Variants in NXPE4 observed in about 807,000 individuals in gnomAD.
NXPE4 encodes the protein NXPE family member 4.
In NXPE4, 42 loss-of-function variants were observed where a neutral mutation model predicts 33.3. The ratio of observed to expected loss-of-function variants is 1.26; its 90% confidence interval spans 0.98 to 1.63. The LOEUF (loss-of-function observed/expected upper bound fraction) is 1.63. NXPE4 is among the 40% of genes most tolerant of loss of function. NXPE4 has a pLI of 0.00. For missense variants in NXPE4, 709 were observed against 647.6 expected, an observed-to-expected ratio of 1.09 and a Z score of -1.03; for synonymous variants, 253 against 234.9, an observed-to-expected ratio of 1.08 and a Z score of -0.71.
the NXPE4 span, among the ~76,000 whole-genome samples, chr11:114,631,777 C>A: frequency 6.6e-6 from 1 of 151,662 alleles, no homozygotes; most frequent in East Asian, 1.9e-4. Flanking sequence ...AGTATTGCCT[C>A]ATGAGTAATC....
chr11:114,617,815 T>A, the NXPE4 span, among the ~76,000 whole-genome samples: 1 of 152,146 alleles, frequency 6.6e-6, no homozygotes, highest in Non-Finnish European at 1.5e-5. Context: ...GGATAATAAG[T>A]GTTGCCTCAT....
At chr11:114,639,528 G>T in the NXPE4 span, among the ~76,000 whole-genome samples, 1 of 151,230 alleles carries the variant, frequency 6.6e-6, no homozygotes, top group Non-Finnish European at 1.5e-5. Flanking sequence ...GGTACCTCAG[G>T]TGGAAATGCA....
the NXPE4 span, among the ~76,000 whole-genome samples, chr11:114,645,039 T>G: frequency 1.3e-5 from 2 of 151,968 alleles, no homozygotes; most frequent in African/African-American, 2.4e-5. Flanking sequence ...TAGTGTTTTA[T>G]GCCTGTAATC....
chr11:114,582,103 G>A (rs1482548498), intron 3 of NXPE4, among the ~76,000 whole-genome samples, 185 bp downstream of exon 3: 1 of 152,096 alleles, frequency 6.6e-6, no homozygotes, highest in Non-Finnish European at 1.5e-5. Flanking sequence ...AGAATTAAAT[G>A]TTCAAAAAGT....
At chr11:114,669,895 C>T in the NXPE4 span, among the ~76,000 whole-genome samples, 1 of 152,026 alleles carries the variant, frequency 6.6e-6, no homozygotes. Context: ...CTACTGCTTG[C>T]AGTCATCCTG....
At chr11:114,675,945 C>T in the NXPE4 span, among the ~76,000 whole-genome samples, 2 of 151,856 alleles carry the variant, frequency 1.3e-5, no homozygotes, top group Non-Finnish European at 2.9e-5. Context: ...AATAAATCCA[C>T]ATGTTTACAG....
the NXPE4 span, among the ~76,000 whole-genome samples, chr11:114,624,026 T>C: frequency 7.2e-5 from 11 of 152,010 alleles, no homozygotes; most frequent in African/African-American, 2.7e-4. Context: ...TGTTGCTTCA[T>C]GGGTAACCAC....
At chr11:114,638,838 G>A in the NXPE4 span, among the ~76,000 whole-genome samples, 2 of 151,926 alleles carry the variant, frequency 1.3e-5, no homozygotes, top group South Asian at 4.2e-4. Flanking sequence ...TTGTCTCAGT[G>A]GAGTACCCAG....
chr11:114,599,187 C>G (rs1949611322), upstream of NXPE4, among the ~76,000 whole-genome samples: 3 of 152,118 alleles, frequency 2.0e-5, no homozygotes, highest in South Asian at 6.2e-4. Context: ...GGTCAAAGTT[C>G]CACAGATCCC....
intron 2 of NXPE4, among the ~76,000 whole-genome samples, chr11:114,591,270 T>C (rs1477617946): frequency 1.3e-5 from 2 of 152,210 alleles, no homozygotes; most frequent in African/African-American, 4.8e-5. Flanking sequence ...ACATTTACAT[T>C]GACTCCAAGT....
the NXPE4 span, among the ~76,000 whole-genome samples, chr11:114,645,605 T>C: frequency 6.6e-6 from 1 of 152,174 alleles, no homozygotes; most frequent in Non-Finnish European, 1.5e-5. Flanking sequence ...AGGCATAAGC[T>C]ATGTCCAATT....
At chr11:114,584,725 C>G (rs1273401198) in intron 2 of NXPE4, 4 of 152,866 alleles carry the variant, frequency 2.6e-5, no homozygotes, top group Non-Finnish European at 5.9e-5. Context: ...TGGCTTCCTG[C>G]CTAGTCCCCA....
At chr11:114,631,787 C>G in the NXPE4 span, among the ~76,000 whole-genome samples, 3 of 151,004 alleles carry the variant, frequency 2.0e-5, no homozygotes, top group Non-Finnish European at 3.0e-5. Flanking sequence ...CATGAGTAAT[C>G]ACTGTTACCC....
At chr11:114,607,002 A>C in the NXPE4 span, among the ~76,000 whole-genome samples, 1 of 151,890 alleles carries the variant, frequency 6.6e-6, no homozygotes, top group Non-Finnish European at 1.5e-5. Context: ...GTGGATAATC[A>C]GTATTGCCTC....
intron 2 of NXPE4, among the ~76,000 whole-genome samples, chr11:114,587,696 C>T (rs1949340886): frequency 6.6e-6 from 1 of 152,170 alleles, no homozygotes; most frequent in African/African-American, 2.4e-5. Flanking sequence ...CACTGTCTTC[C>T]CCTCCACCCT....
chr11:114,600,599 T>C (rs192281365), upstream of NXPE4, among the ~76,000 whole-genome samples: 4 of 152,220 alleles, frequency 2.6e-5, no homozygotes, highest in East Asian at 1.9e-4. Context: ...TGAAAAACCA[T>C]GTAAGACTAA....
the NXPE4 span, among the ~76,000 whole-genome samples, chr11:114,655,111 C>T: frequency 4.0e-5 from 6 of 151,346 alleles, no homozygotes; most frequent in East Asian, 3.9e-4. Context: ...TTGTTTGCCA[C>T]GTAAATATCT....
the NXPE4 span, among the ~76,000 whole-genome samples, chr11:114,634,506 G>C: frequency 2.0e-5 from 3 of 152,150 alleles, no homozygotes; most frequent in East Asian, 5.8e-4. Flanking sequence ...TGTTGCTATT[G>C]CTTTTGGTGT....
At position 114,582,927 on chromosome 11, in the gene NXPE4, G is replaced by A. The variant is rs1219846360; in HGVS notation, c.191C>T (p.Pro64Leu). 5 of 1,614,192 alleles carry A rather than the reference G, an allele frequency of 3.1e-6. No homozygotes were observed. Among genetic ancestry groups the A allele is most frequent in the Non-Finnish European group, 4.2e-6 (5 of 1,180,026 alleles). ...TATTCTGAGTTCAGTCTCTGTTAGT[G>A]GCTTTAATGATATCAGTGGTGTTTT... ...FPKTPLISLK[P>L]LTETELRIKE... The change falls in exon 3 of 6, where the codon CCA (proline) becomes CTA (leucine). Residue 64 changes from proline (P) to leucine (L), a missense_variant. By Grantham distance (98) the Pro-to-Leu change is moderately conservative. Transcript: ENST00000375478.
Sources: allele counts gnomAD v4.1 joint callset (sites outside exome capture counted in the v4.1 genomes callset), GRCh38; gene constraint gnomAD v4.1.1; transcripts MANE v1.5; gene names NCBI Gene and HGNC (gene_info 2026-07-23, HGNC 2026-07-21).